The following KIF1A variants were observed in gnomAD, a reference collection of about 807,000 sequenced individuals.
KIF1A encodes kinesin-like protein KIF1A.
In KIF1A, 46 loss-of-function variants were observed where a neutral mutation model predicts 227.3. The ratio of observed to expected loss-of-function variants is 0.20; its 90% CI spans 0.16 to 0.26. The LOEUF is 0.26. KIF1A is among the 10% of genes least tolerant of loss of function. KIF1A has a pLI of 1.00. For missense variants in KIF1A, 1,683 were observed against 2,485.9 expected (o/e 0.68, Z 6.87); for synonymous variants, 1,022 against 1,012.8 (o/e 1.01, Z -0.17).
Position 240,728,293 on chromosome 2 carries a change from A to G in KIF1A, c.4008-1353T>C, listed in dbSNP as rs116391039. On this transcript the variant is annotated intron_variant, in intron 38 of 48. Transcript: ENST00000498729. Reference sequence around the variant, plus strand: ...AGTGAGGACAGCGGGTGGTCAGAGAAAGGGCATAGAAGCAGGCAGACGCCG... The same window carrying G: ...AGTGAGGACAGCGGGTGGTCAGAGAGAGGGCATAGAAGCAGGCAGACGCCG... The G allele has an allele frequency of 6.0e-3, 4,375 of 733,946 alleles. 29 individuals carry two copies. The highest frequency in any genetic ancestry group is 7.8e-3 in the Non-Finnish European group (3,687 of 470,514). 45.5% of individuals were successfully genotyped at this position (733,946 alleles called of 1,614,324 possible).
chr2:240,797,456 T>C (rs1192336945), intron 2 of KIF1A, among the ~76,000 whole-genome samples, 191 bp downstream of exon 2: 1 of 152,112 alleles, frequency 6.6e-6, no homozygotes, highest in Non-Finnish European at 1.5e-5. Context: ...AGCGTAAATC[T>C]CTATTCTTAT....
rs1470966885 is a variant in KIF1A at position 240,758,692 on chromosome 2, T to C, written c.2445-195A>G. Among the ~76,000 whole-genome samples, 2 of 152,108 alleles carry C rather than the reference T, an allele frequency of 1.3e-5. No homozygotes were observed. The highest frequency in any genetic ancestry group is 2.9e-5 in the Non-Finnish European group (2 of 68,008). On this transcript the variant is annotated intron_variant, in intron 25 of 48. Coordinates refer to ENST00000498729, the MANE Select transcript of KIF1A (RefSeq NM_001244008.2). This position sits in a 1 kb window ranked among gnomAD's most constrained non-coding sequence, Gnocchi z 5.2. ...TAGAGCTGGTCAGTCACAAGTAACG[T>C]ACTCAGCTAAGCACGCAAGGTCACC...
chr2:240,789,450 T>C lies in KIF1A; in HGVS notation c.107-138A>G, dbSNP rs1030450816. On this transcript the variant is annotated intron_variant, in intron 2 of 48. Transcript: ENST00000498729. This position sits in a 1 kb window ranked among gnomAD's most constrained non-coding sequence, Gnocchi z 4.8. Reference sequence around the variant, plus strand: ...CCAGGCCCCCAAATTGGAGGGGACCTAGGACCCCACTCCCAGGCAGATGAG... The same window carrying C: ...CCAGGCCCCCAAATTGGAGGGGACCCAGGACCCCACTCCCAGGCAGATGAG... The C allele has an allele frequency of 5.9e-6, 4 of 681,040 alleles. No individual in the cohort carries two copies. The highest frequency in any genetic ancestry group is 4.8e-5 in the Admixed American group (2 of 42,064). 42.2% of individuals were successfully genotyped at this position (681,040 alleles called of 1,614,324 possible).
rs550268902 is a variant in KIF1A, at chr2:240,795,708, C to T, written c.106+1939G>A. ...TACCCAGTGCCCCTGGAGGCTGAGC[C>T]AGGGGGCAGGTCGGAGGCTGCAAGG... On this transcript the variant is annotated intron_variant, in intron 2 of 48. Transcript: ENST00000498729. Among the ~76,000 whole-genome samples, 44 of 152,320 alleles carry T rather than the reference C, an allele frequency of 2.9e-4. No homozygotes were observed. In the South Asian group the frequency reaches 8.3e-3, roughly 29 times the overall value.
At chr2:240,800,105 GACACACACACAC>G (rs3220094) in intron 1 of KIF1A, among the ~76,000 whole-genome samples, 135 of 143,062 alleles carry the variant, frequency 9.4e-4, no homozygotes, top group African/African-American at 2.9e-3. Context: ...GTCCAAAGCA[GACACACACACAC>G]ACACACACAC....
At chr2:240,797,979 A>G (rs112065536) in intron 1 of KIF1A, 167 bp from the exon 2 acceptor site, 4 of 470,562 alleles carry the variant, frequency 8.5e-6, no homozygotes, top group African/African-American at 7.8e-5. Flanking sequence ...AGATAATTCT[A>G]GAAAGCAGGA....
At chr2:240,777,728 C>G (rs2052950873) in intron 10 of KIF1A, among the ~76,000 whole-genome samples, 1 of 152,234 alleles carries the variant, frequency 6.6e-6, no homozygotes, top group African/African-American at 2.4e-5. Context: ...TAAAGCTCCC[C>G]CAGGCAGCTC....
At chr2:240,723,633 C>T in intron 41 of KIF1A, 75 bp from the exon 42 acceptor site, 1 of 1,450,498 alleles carries the variant, frequency 6.9e-7, no homozygotes, top group Non-Finnish European at 9.2e-7. Context: ...GAGGTCCGCC[C>T]ATCTGTGAAG....
intron 1 of KIF1A, among the ~76,000 whole-genome samples, chr2:240,806,877 A>C (rs1233487756): frequency 6.6e-6 from 1 of 152,164 alleles, no homozygotes; most frequent in Non-Finnish European, 1.5e-5. Context: ...ACATTTGTTT[A>C]AAAGATAATA....
upstream of KIF1A, among the ~76,000 whole-genome samples, chr2:240,821,349 G>A (rs1182852856): frequency 2.6e-5 from 4 of 152,180 alleles, no homozygotes; most frequent in African/African-American, 4.8e-5. Context: ...CCTCAGTCCC[G>A]ACAGCTGCGT....
intron 45 of KIF1A, chr2:240,720,185 C>A: frequency 2.6e-6 from 1 of 382,604 alleles, no homozygotes; most frequent in Non-Finnish European, 4.7e-6. Flanking sequence ...AGCCTGTGCC[C>A]CACTCCACGC....
chr2:240,729,370 C>T (rs762693096), intron 38 of KIF1A, among the ~76,000 whole-genome samples: 5 of 152,204 alleles, frequency 3.3e-5, no homozygotes, highest in Admixed American at 6.5e-5. Context: ...AGGATCAGAA[C>T]CAGCAGGTCT....
intron 2 of KIF1A, among the ~76,000 whole-genome samples, chr2:240,791,661 C>T (rs1428240882): frequency 6.6e-6 from 1 of 151,970 alleles, no homozygotes; most frequent in Non-Finnish European, 1.5e-5. Context: ...CAGATGAAGC[C>T]CTGATGCCAC....
At chr2:240,722,341 G>A (rs1377738871) in intron 43 of KIF1A, 115 bp downstream of exon 43, 2 of 966,198 alleles carry the variant, frequency 2.1e-6, no homozygotes, top group East Asian at 5.3e-5. Flanking sequence ...CTAGCTCCTG[G>A]TGGTGCTAAC....
rs964217230 is a variant in KIF1A at position 240,790,361 on chromosome 2, G to A, written c.107-1049C>T. Among the ~76,000 whole-genome samples the A allele has an allele frequency of 7.2e-5, 11 of 151,940 alleles. No individual in the cohort carries two copies. The highest frequency in any genetic ancestry group is 2.4e-4 in the African/African-American group (10 of 41,386). ...TGAAGAACGAAGCCCTCATGGCACC[G>A]TCCTATGCTTGGAGATGAAGGCTGG... On this transcript the variant is annotated intron_variant, in intron 2 of 48. Coordinates refer to ENST00000498729, the MANE Select transcript of KIF1A (RefSeq NM_001244008.2). The surrounding 1 kb of genome is among the most constrained non-coding windows in gnomAD (Gnocchi z 5.0).
intron 1 of KIF1A, among the ~76,000 whole-genome samples, chr2:240,800,105 G>GACAC (rs3220094): frequency 0.28 from 39,298 of 142,282 alleles, 5,867 homozygotes; most frequent in Admixed American, 0.39. Context: ...GTCCAAAGCA[G>GACAC]ACACACACAC....
Position 240,789,134 on chromosome 2 carries a change from G to A in KIF1A, c.183+102C>T. ...GGAGCAGGGTGGGGTCCTCGCCCCAGTTAGAGAGGAATGAGCGGCTCAGAG... is the reference window on the plus strand; with the variant it reads ...GGAGCAGGGTGGGGTCCTCGCCCCAATTAGAGAGGAATGAGCGGCTCAGAG... On this transcript the variant is annotated intron_variant, in intron 3 of 48. Transcript: ENST00000498729. This position sits in a 1 kb window ranked among gnomAD's most constrained non-coding sequence, Gnocchi z 4.8. The A allele has an allele frequency of 1.0e-6, 1 of 953,158 alleles. No homozygotes were observed. 59.0% of individuals were successfully genotyped at this position (953,158 alleles called of 1,614,324 possible).
chr2:240,786,228 A>T, intron 6 of KIF1A, 107 bp downstream of exon 6: 1 of 1,134,578 alleles, frequency 8.8e-7, no homozygotes, highest in Non-Finnish European at 1.3e-6. Context: ...CCGCGGGGGC[A>T]CAGATGGACC....
At chr2:240,753,242 C>T (rs536010060) in intron 27 of KIF1A, among the ~76,000 whole-genome samples, 8 of 152,350 alleles carry the variant, frequency 5.3e-5, no homozygotes, top group African/African-American at 1.9e-4. Context: ...CCCCCACTGC[C>T]CTGAAAGGCC....
Sources: gnomAD v4.1 joint callset for allele counts (sites outside exome capture counted in the v4.1 genomes callset) on GRCh38, gnomAD v4.1.1 for gene constraint, Gnocchi (gnomAD v3.1) non-coding constraint, MANE v1.5 for transcripts, NCBI Gene and HGNC (gene_info 2026-07-23, HGNC 2026-07-21) for gene names.